Variants in TLN2 observed in about 807,000 individuals in gnomAD.
TLN2 encodes the protein talin-2.
TLN2 carries 118 observed loss-of-function variants against 294.7 expected under a neutral mutation model. The observed-to-expected ratio is 0.40, with a 90% CI of 0.34 to 0.47. The LOEUF (loss-of-function observed/expected upper bound fraction) is 0.47, where lower values mean the gene tolerates loss of function less well. Ranked by LOEUF, TLN2 falls within the 20% of genes least tolerant of loss-of-function variation. TLN2 has a pLI of 0.84. For missense variants in TLN2, 3,083 were observed against 3,282.2 expected, an observed-to-expected ratio of 0.94 and a Z score of 1.48; for synonymous variants, 1,431 against 1,304.5, an observed-to-expected ratio of 1.10 and a Z score of -2.09.
chr15:62,504,854 A>T (rs1446079571), intron 1 of TLN2, among the ~76,000 whole-genome samples: 41 of 133,744 alleles, frequency 3.1e-4, no homozygotes, highest in East Asian at 2.9e-3. Context: ...TGTGAGAGAG[A>T]GAGAGAGAGA....
intron 1 of TLN2, among the ~76,000 whole-genome samples, chr15:62,466,116 G>A (rs1337897790): frequency 3.3e-5 from 5 of 152,192 alleles, no homozygotes; most frequent in Non-Finnish European, 5.9e-5. Flanking sequence ...GAGAGGCAGC[G>A]GCTGCCAGCC....
intron 2 of TLN2, among the ~76,000 whole-genome samples, chr15:62,598,726 A>ATG (rs2046753063): frequency 6.6e-6 from 1 of 151,402 alleles, no homozygotes; most frequent in African/African-American, 2.4e-5. Context: ...TCCATTCCTG[A>ATG]GAGAAATGGA....
chr15:62,421,787 A>G (rs1424667706), intron 1 of TLN2, among the ~76,000 whole-genome samples: 1 of 152,150 alleles, frequency 6.6e-6, no homozygotes, highest in African/African-American at 2.4e-5. Flanking sequence ...CCTGTATAAC[A>G]AATTTGCACA....
intron 50 of TLN2, among the ~76,000 whole-genome samples, chr15:62,803,692 A>G (rs1382855053): frequency 3.9e-5 from 6 of 152,234 alleles, no homozygotes; most frequent in South Asian, 2.1e-4. Flanking sequence ...TTCATCTGAT[A>G]GGATTCTGAT....
chr15:62,819,739 G>A (rs2067406018), intron 53 of TLN2, 118 bp downstream of exon 53: 5 of 813,054 alleles, frequency 6.1e-6, no homozygotes, highest in African/African-American at 1.7e-5. Flanking sequence ...ATGCAGCCAG[G>A]AATACAGTGA....
At chr15:62,708,320 G>T (rs2059198748) in intron 20 of TLN2, among the ~76,000 whole-genome samples, 182 bp from the exon 21 acceptor site, 1 of 152,214 alleles carries the variant, frequency 6.6e-6, no homozygotes, top group African/African-American at 2.4e-5. Context: ...AGCAGAGCGT[G>T]TGAGACTGAA....
rs372845320 is a variant in TLN2, at chr15:62,439,473, C to T, written c.-238+48788C>T. Among the ~76,000 whole-genome samples the T allele has an allele frequency of 3.3e-3, 500 of 152,212 alleles. 8 individuals are homozygous for T. Among genetic ancestry groups the T allele is most frequent in the African/African-American group, 0.011 (470 of 41,516 alleles). ...GACTACAGGTACCCACCACCACGCC[C>T]GGCTAATTTTTGTATTTTTAGTAGA... On this transcript the variant is annotated intron_variant, in intron 1 of 58. Coordinates refer to ENST00000636159, the MANE Select transcript of TLN2 (RefSeq NM_015059.3).
intron 9 of TLN2, among the ~76,000 whole-genome samples, chr15:62,667,468 G>A (rs991592835): frequency 6.6e-6 from 1 of 152,126 alleles, no homozygotes; most frequent in Non-Finnish European, 1.5e-5. Flanking sequence ...CCTCCCCTCT[G>A]TTCCTCTACC....
At chr15:62,792,217 G>A (rs552137427) in intron 45 of TLN2, among the ~76,000 whole-genome samples, 1 of 152,252 alleles carries the variant, frequency 6.6e-6, no homozygotes, top group African/African-American at 2.4e-5. Context: ...GAGCTATTTT[G>A]AAGAATAAAT....
At chr15:62,810,596 G>A (rs2066613203) in intron 52 of TLN2, among the ~76,000 whole-genome samples, 3 of 152,080 alleles carry the variant, frequency 2.0e-5, no homozygotes, top group Admixed American at 2.0e-4. Flanking sequence ...AAGACACCAG[G>A]CAGGGGTGTA....
rs188444985 is a variant in TLN2, at chr15:62,671,205, C to A, written c.789-2622C>A. 5.9e-4 allele frequency among the ~76,000 whole-genome samples: 89 copies of A among 152,082 alleles called. 1 individual carries two copies. The East Asian group carries it at 6.9e-3, about 12-fold the overall frequency. On this transcript the variant is annotated intron_variant, in intron 9 of 58. Coordinates refer to ENST00000636159, the MANE Select transcript of TLN2 (RefSeq NM_015059.3). Reference sequence around the variant, plus strand: ...TGTAATTTCCTCATACATAATTTGCCAATATTTTCCCCCATTCTATGGATT... The same window carrying A: ...TGTAATTTCCTCATACATAATTTGCAAATATTTTCCCCCATTCTATGGATT...
chr15:62,744,080 T>A (rs1024701661), intron 32 of TLN2, among the ~76,000 whole-genome samples: 1 of 152,238 alleles, frequency 6.6e-6, no homozygotes, highest in African/African-American at 2.4e-5. Flanking sequence ...TTACCTAGAA[T>A]GTTTCCTTCC....
rs1003004855 is a variant in TLN2, at chr15:62,840,778, A to G, written c.*168A>G. ...TCTCTGTCCCGTCGGCACTGGCTGC[A>G]TGATCGTGATGTCACACGGTACAAT... On this transcript the variant is annotated 3_prime_UTR_variant, in exon 59 of 59. Transcript: ENST00000636159. The G allele has an allele frequency of 1.1e-6, 1 of 885,886 alleles. No homozygotes were observed. Among genetic ancestry groups the G allele is most frequent in the South Asian group, 1.8e-5 (1 of 54,440 alleles). The allele number at this position is 885,886 out of a possible 1,614,324, so 54.9% of individuals were successfully genotyped here.
intron 1 of TLN2, among the ~76,000 whole-genome samples, chr15:62,565,855 G>C (rs1043726938): frequency 6.6e-6 from 1 of 151,992 alleles, no homozygotes; most frequent in African/African-American, 2.4e-5. Flanking sequence ...TTTGGCCCTG[G>C]CATAGCATTG....
intron 1 of TLN2, among the ~76,000 whole-genome samples, chr15:62,516,755 C>T (rs563134578): frequency 6.6e-6 from 1 of 152,320 alleles, no homozygotes; most frequent in East Asian, 1.9e-4. Context: ...ACTCATTTGC[C>T]TGTGCAGTCA....
At chr15:62,701,084 G>A (rs2058692621) in intron 16 of TLN2, 22 bp from the exon 17 acceptor site, 7 of 1,603,482 alleles carry the variant, frequency 4.4e-6, no homozygotes, top group Non-Finnish European at 6.0e-6. Context: ...TGATTGTGTT[G>A]TGCCGTTGTC....
At chr15:62,450,515 A>G (rs74019774) in intron 1 of TLN2, among the ~76,000 whole-genome samples, 7,665 of 62,748 alleles carry the variant, frequency 0.12, 644 homozygotes, top group African/African-American at 0.28. Flanking sequence ...CCCATCGTGT[A>G]TGTATGTATG....
chr15:62,791,003 GGTGTATAGAA>G (rs547458251), intron 45 of TLN2, among the ~76,000 whole-genome samples: 1 of 152,246 alleles, frequency 6.6e-6, no homozygotes, highest in Admixed American at 6.5e-5. Flanking sequence ...TGTGTACGAA[GGTGTATAGAA>G]GTGTATAGAA....
At chr15:62,614,780 C>T (rs1171560691) in intron 2 of TLN2, among the ~76,000 whole-genome samples, 1 of 152,166 alleles carries the variant, frequency 6.6e-6, no homozygotes, top group Non-Finnish European at 1.5e-5. Context: ...CTGATGACTT[C>T]TCCACCATCT....
Sources: allele counts gnomAD v4.1 joint callset (sites outside exome capture counted in the v4.1 genomes callset), GRCh38; gene constraint gnomAD v4.1.1; transcripts MANE v1.5; gene names NCBI Gene and HGNC (gene_info 2026-07-23, HGNC 2026-07-21).